The following CSMD3 variants were observed in gnomAD, a reference collection of about 807,000 sequenced individuals.
CSMD3 encodes the protein CUB and sushi domain-containing protein 3.
A neutral mutation model predicts 435.2 loss-of-function variants in CSMD3; 177 were observed. The ratio of observed to expected loss-of-function variants is 0.41; its 90% CI spans 0.36 to 0.46. CSMD3 has a LOEUF of 0.46. Ranked by LOEUF, CSMD3 falls within the 20% of genes least tolerant of loss-of-function variation. The probability of loss-of-function intolerance (pLI) is 0.34; values close to 1 mark genes in which losing one functional copy is unlikely to be tolerated. For missense variants in CSMD3, 4,265 were observed against 4,504.6 expected (o/e 0.95, Z 1.52); for synonymous variants, 1,656 against 1,520.5 (o/e 1.09, Z -2.07).
At chr8:113,208,126 T>C (rs1465170960) in intron 3 of CSMD3, among the ~76,000 whole-genome samples, 1 of 152,204 alleles carries the variant, frequency 6.6e-6, no homozygotes, top group Non-Finnish European at 1.5e-5. Context: ...TTAACCAAAA[T>C]AATATAATTG....
intron 38 of CSMD3, among the ~76,000 whole-genome samples, chr8:112,361,050 T>G (rs1827150225): frequency 6.6e-6 from 1 of 151,982 alleles, no homozygotes; most frequent in African/African-American, 2.4e-5. Flanking sequence ...ACAAAATCAA[T>G]AAGTTATTTG....
At chr8:112,583,456 A>C (rs905750065) in intron 23 of CSMD3, among the ~76,000 whole-genome samples, 1 of 151,966 alleles carries the variant, frequency 6.6e-6, no homozygotes. Flanking sequence ...AGTTTTTTTT[A>C]ATGTGAACAT....
At chr8:112,775,858 T>C (rs1294040995) in intron 13 of CSMD3, among the ~76,000 whole-genome samples, 1 of 151,920 alleles carries the variant, frequency 6.6e-6, no homozygotes, top group Admixed American at 6.6e-5. Context: ...AATAGTATTC[T>C]AAATCTGAAT....
intron 13 of CSMD3, among the ~76,000 whole-genome samples, chr8:112,761,971 A>C (rs891837444): frequency 1.3e-5 from 2 of 152,060 alleles, no homozygotes; most frequent in African/African-American, 4.8e-5. Context: ...TATATTTATA[A>C]GATTTTCACC....
chr8:112,945,588 ATGTGTGTGTGTGTGTG>A (rs10574750), intron 9 of CSMD3, among the ~76,000 whole-genome samples: 7 of 140,584 alleles, frequency 5.0e-5, no homozygotes, highest in African/African-American at 1.3e-4. Flanking sequence ...ATACAGAAAT[ATGTGTGTGTGTGTGTG>A]TGTGTGTGTG....
In CSMD3 at chr8:113,314,567, T is replaced by G; in HGVS notation, c.401+4A>C. 6.5e-7 allele frequency: 1 copy of G among 1,549,886 alleles called. No homozygotes were observed. Among genetic ancestry groups the G allele is most frequent in the Non-Finnish European group, 8.9e-7 (1 of 1,121,660 alleles). On this transcript the variant is annotated splice_donor_region_variant and intron_variant, in intron 2 of 70. Transcript: ENST00000297405. ...CTCCAGTCTTCCATTCAAAACACAC[T>G]AACCTTGTCCTAAAGTTTGTAGGAT...
chr8:112,992,865 T>C (rs1179296745), intron 6 of CSMD3, among the ~76,000 whole-genome samples: 1 of 151,244 alleles, frequency 6.6e-6, no homozygotes, highest in African/African-American at 2.4e-5. Flanking sequence ...AAGGTGGTAG[T>C]TTGCTGCTAT....
chr8:113,213,511 G>GT (rs148914391), intron 3 of CSMD3, among the ~76,000 whole-genome samples: 6,625 of 146,764 alleles, frequency 0.045, 267 homozygotes, highest in African/African-American at 0.11. Flanking sequence ...TCTTTTGTGT[G>GT]TTTTTTTTTT....
At chr8:112,292,815 AAAG>A in intron 54 of CSMD3, 105 bp from the exon 55 acceptor site, 1 of 955,066 alleles carries the variant, frequency 1.0e-6, no homozygotes, top group Non-Finnish European at 1.7e-6. Flanking sequence ...AACAAAGTAG[AAAG>A]AAGACTACTT....
At chr8:112,689,001 A>G (rs2076073916) in intron 14 of CSMD3, among the ~76,000 whole-genome samples, 1 of 152,080 alleles carries the variant, frequency 6.6e-6, no homozygotes, top group Non-Finnish European at 1.5e-5. Flanking sequence ...AAAAATTGTC[A>G]ACAAAAGTAT....
intron 10 of CSMD3, among the ~76,000 whole-genome samples, chr8:112,870,667 T>C (rs79865333): frequency 8.5e-5 from 13 of 152,146 alleles, no homozygotes; most frequent in African/African-American, 2.7e-4. Context: ...AATTCATTTG[T>C]GAAGGCTGAG....
At chr8:113,193,296 T>C (rs2092611054) in intron 3 of CSMD3, among the ~76,000 whole-genome samples, 1 of 151,412 alleles carries the variant, frequency 6.6e-6, no homozygotes, top group African/African-American at 2.4e-5. Context: ...AATGGGAAGA[T>C]GCCTAGTTGC....
intron 9 of CSMD3, among the ~76,000 whole-genome samples, chr8:112,940,172 T>C (rs1012770268): frequency 6.6e-6 from 1 of 151,932 alleles, no homozygotes; most frequent in African/African-American, 2.4e-5. Flanking sequence ...TTCCTGAATA[T>C]ACATTATACA....
intron 6 of CSMD3, among the ~76,000 whole-genome samples, chr8:113,016,375 A>C (rs2086459571): frequency 6.6e-6 from 1 of 151,862 alleles, no homozygotes; most frequent in African/African-American, 2.4e-5. Context: ...ACATAACTTA[A>C]AGGTGGTTAT....
chr8:112,226,064 T>A (rs1391753758), intron 70 of CSMD3, among the ~76,000 whole-genome samples: 2 of 152,180 alleles, frequency 1.3e-5, no homozygotes, highest in Non-Finnish European at 2.9e-5. Context: ...TTTCAACTAT[T>A]AATTTTATTA....
intron 66 of CSMD3, 88 bp from the exon 67 acceptor site, chr8:112,237,436 G>A (rs2129996988): frequency 1.1e-6 from 1 of 941,624 alleles, no homozygotes; most frequent in African/African-American, 1.6e-5. Context: ...ATTGAATAAT[G>A]ATGTATTGCT....
chr8:112,730,762 T>G (rs1314069723), intron 13 of CSMD3, among the ~76,000 whole-genome samples: 1 of 152,040 alleles, frequency 6.6e-6, no homozygotes, highest in Non-Finnish European at 1.5e-5. Context: ...CATGCAATGA[T>G]TCTGTGATGG....
At chr8:113,218,150 C>A (rs2092927167) in intron 3 of CSMD3, among the ~76,000 whole-genome samples, 1 of 149,166 alleles carries the variant, frequency 6.7e-6, no homozygotes, top group Non-Finnish European at 1.5e-5. Flanking sequence ...AAAGCATATT[C>A]AAGTAAGCTC....
intron 5 of CSMD3, among the ~76,000 whole-genome samples, chr8:113,035,646 A>G: frequency 6.6e-6 from 1 of 152,006 alleles, no homozygotes. Context: ...TAAAATATAC[A>G]TCAATACATC....
Sources: allele counts gnomAD v4.1 joint callset (sites outside exome capture counted in the v4.1 genomes callset), GRCh38; gene constraint gnomAD v4.1.1; transcripts MANE v1.5; gene names NCBI Gene and HGNC (gene_info 2026-07-23, HGNC 2026-07-21).